Variants in LGR4 observed in about 807,000 individuals in gnomAD.
LGR4 encodes leucine-rich repeat-containing G protein-coupled receptor 4.
LGR4 carries 44 observed loss-of-function variants against 84.8 expected under a neutral mutation model. The observed-to-expected ratio is 0.52, with a 90% confidence interval of 0.41 to 0.67. The LOEUF (loss-of-function observed/expected upper bound fraction) is 0.67. Among genes scored for constraint, LGR4 ranks in the 30% least tolerant of loss-of-function variants. The pLI is 0.00. For synonymous variants in LGR4, 429 were observed against 434.3 expected (o/e 0.99, Z 0.15); for missense variants, 1,032 against 1,131.4 (o/e 0.91, Z 1.26).
intron 2 of LGR4, among the ~76,000 whole-genome samples, chr11:27,402,434 C>T (rs1299002473): frequency 6.6e-6 from 1 of 152,064 alleles, no homozygotes; most frequent in Non-Finnish European, 1.5e-5. Flanking sequence ...ACCCTGGGTT[C>T]TTGACGACGT....
chr11:27,376,536 T>G (rs1401574698), intron 12 of LGR4, among the ~76,000 whole-genome samples, 166 bp from the exon 13 acceptor site: 1 of 152,224 alleles, frequency 6.6e-6, no homozygotes, highest in East Asian at 1.9e-4. Context: ...TAAATAACTA[T>G]TCTTATGTAA....
intron 1 of LGR4, among the ~76,000 whole-genome samples, chr11:27,460,325 A>G (rs1864658693): frequency 1.3e-5 from 2 of 152,108 alleles, no homozygotes; most frequent in African/African-American, 4.8e-5. Context: ...ACAATGATCA[A>G]TTGATCTCTT....
chr11:27,455,740 G>A (rs1008480038), intron 1 of LGR4, among the ~76,000 whole-genome samples: 3 of 152,146 alleles, frequency 2.0e-5, no homozygotes, highest in African/African-American at 7.2e-5. Context: ...CTACATTTAG[G>A]AAGAGCACTG....
At chr11:27,417,180 G>A (rs912301484) in intron 1 of LGR4, among the ~76,000 whole-genome samples, 1 of 151,784 alleles carries the variant, frequency 6.6e-6, no homozygotes, top group African/African-American at 2.4e-5. Flanking sequence ...AATATTATCT[G>A]GCAGTTTAAA....
Position 27,376,431 on chromosome 11 carries a change from G to A in LGR4, c.1110-61C>T. ...AAAGACAAAGAAGAGAACAGGAGGA[G>A]GAGGAAAGAGAAAGGGATAGAGAAA... On this transcript the variant is annotated intron_variant, in intron 12 of 17. Coordinates refer to ENST00000379214, the MANE Select transcript of LGR4 (RefSeq NM_018490.5). 6.0e-6 allele frequency: 5 copies of A among 839,606 alleles called. No homozygotes were observed. In the South Asian group the frequency reaches 7.3e-5, roughly 12 times the overall value. 52.0% of individuals were successfully genotyped at this position (839,606 alleles called of 1,614,324 possible). A position where few individuals can be genotyped will look rare whatever the true frequency, so the allele number is the denominator to read the frequency against.
chr11:27,471,788 A>C, intron 1 of LGR4: 1 of 192,982 alleles, frequency 5.2e-6, no homozygotes, highest in East Asian at 1.2e-4. Flanking sequence ...TGCCAGGGGC[A>C]AGCGTTTTTA....
chr11:27,467,080 C>G (rs927262565), intron 1 of LGR4, among the ~76,000 whole-genome samples: 1 of 151,884 alleles, frequency 6.6e-6, no homozygotes, highest in African/African-American at 2.4e-5. Flanking sequence ...GCCACCACAC[C>G]TGGCCTCAAG....
chr11:27,392,297 A>C (rs1200665632), intron 3 of LGR4, 150 bp downstream of exon 3: 1 of 550,114 alleles, frequency 1.8e-6, no homozygotes, highest in Non-Finnish European at 3.1e-6. Context: ...CCTAAATCAA[A>C]CTCTGGCCTC....
chr11:27,435,357 C>T (rs557747505), intron 1 of LGR4, among the ~76,000 whole-genome samples: 1 of 151,864 alleles, frequency 6.6e-6, no homozygotes. Context: ...CAAACAACAA[C>T]AACAACAACA....
chr11:27,388,336 G>T lies in LGR4; in HGVS notation c.401+2758C>A, dbSNP rs1001291478. Among the ~76,000 whole-genome samples, 4 of 152,158 alleles carry T rather than the reference G, an allele frequency of 2.6e-5. No homozygotes were observed. The East Asian group carries it at 7.7e-4, about 29-fold the overall frequency. On this transcript the variant is annotated intron_variant, in intron 4 of 17. Coordinates refer to ENST00000379214, the MANE Select transcript of LGR4 (RefSeq NM_018490.5). ...TTTGTAACAATGATCTATTCTATTA[G>T]TATTCACCCCAAATAACAGATGAAG...
intron 2 of LGR4, among the ~76,000 whole-genome samples, chr11:27,393,596 T>C (rs929521781): frequency 1.3e-5 from 2 of 152,074 alleles, no homozygotes; most frequent in Non-Finnish European, 2.9e-5. Context: ...AAAAGGTATG[T>C]ATTTCCACTA....
At chr11:27,375,613 A>G (rs1862962877) in intron 13 of LGR4, among the ~76,000 whole-genome samples, 1 of 152,202 alleles carries the variant, frequency 6.6e-6, no homozygotes, top group African/African-American at 2.4e-5. Flanking sequence ...CGCTGCAACT[A>G]CTCAATTCTG....
At chr11:27,435,289 C>T (rs937010600) in intron 1 of LGR4, among the ~76,000 whole-genome samples, 15 of 151,688 alleles carry the variant, frequency 9.9e-5, no homozygotes, top group African/African-American at 3.4e-4. Context: ...GCTGAGATTA[C>T]ACCACTATAC....
chr11:27,410,800 T>C (rs537349717), intron 2 of LGR4, among the ~76,000 whole-genome samples: 4 of 152,230 alleles, frequency 2.6e-5, no homozygotes, highest in East Asian at 1.9e-4. Flanking sequence ...CTTGATTTCA[T>C]GGGTTTCATT....
chr11:27,426,553 G>A (rs962611965), intron 1 of LGR4, among the ~76,000 whole-genome samples: 2 of 152,180 alleles, frequency 1.3e-5, no homozygotes, highest in African/African-American at 4.8e-5. Context: ...CCCTGGGCAA[G>A]TCCCTTAATC....
At chr11:27,386,433 C>T (rs1863189159) in intron 4 of LGR4, among the ~76,000 whole-genome samples, 1 of 152,212 alleles carries the variant, frequency 6.6e-6, no homozygotes, top group African/African-American at 2.4e-5. Context: ...TCATTACTTA[C>T]ATTCATGCCT....
intron 1 of LGR4, among the ~76,000 whole-genome samples, chr11:27,462,114 TGA>T (rs1864695449): frequency 6.6e-6 from 1 of 152,060 alleles, no homozygotes; most frequent in African/African-American, 2.4e-5. Flanking sequence ...ATTACAAGCG[TGA>T]GCCACAGCCC....
chr11:27,376,435 G>A, intron 12 of LGR4, 65 bp from the exon 13 acceptor site: 1 of 777,990 alleles, frequency 1.3e-6, no homozygotes, highest in East Asian at 2.6e-5. Context: ...GGAGGAGGAG[G>A]AAAGAGAAAG....
chr11:27,388,005 C>A (rs71480151), intron 4 of LGR4, among the ~76,000 whole-genome samples: 1 of 152,072 alleles, frequency 6.6e-6, no homozygotes, highest in Non-Finnish European at 1.5e-5. Flanking sequence ...GAGTTTTGAG[C>A]TAAGACAGTA....
Sources: allele counts gnomAD v4.1 joint callset (sites outside exome capture counted in the v4.1 genomes callset), GRCh38; gene constraint gnomAD v4.1.1; transcripts MANE v1.5; gene names NCBI Gene and HGNC (gene_info 2026-07-23, HGNC 2026-07-21).